Variants in SLC5A4 observed in about 807,000 individuals in gnomAD.
The protein encoded by SLC5A4 is solute carrier family 5 member 4.
A neutral mutation model predicts 70.3 loss-of-function variants in SLC5A4; 55 were observed. The observed-to-expected ratio is 0.78, with a 90% CI of 0.63 to 0.98. SLC5A4 has a LOEUF of 0.98. SLC5A4 is among the 50% of genes least tolerant of loss of function. The pLI, the probability that SLC5A4 is intolerant of heterozygous loss-of-function variation, is 0.00. For missense variants in SLC5A4, 735 were observed against 839.2 expected (o/e 0.88, Z 1.53); for synonymous variants, 268 against 305.7 (o/e 0.88, Z 1.29).
chr22:32,303,584 T>G, the SLC5A4 span, among the ~76,000 whole-genome samples: 1 of 138,082 alleles, frequency 7.2e-6, no homozygotes, highest in Non-Finnish European at 1.6e-5. Flanking sequence ...GATTGGCTTC[T>G]TTCACTCAGT....
intron 12 of SLC5A4, 114 bp downstream of exon 12, chr22:32,225,541 G>A: frequency 2.9e-6 from 2 of 678,704 alleles, no homozygotes; most frequent in Non-Finnish European, 5.1e-6. Flanking sequence ...CTAAAATTAA[G>A]ATGGGCCATG....
At chr22:32,333,199 C>CCCCA in the SLC5A4 span, among the ~76,000 whole-genome samples, 3 of 147,710 alleles carry the variant, frequency 2.0e-5, 1 homozygote, top group South Asian at 6.7e-4. Flanking sequence ...CACTGGCACC[C>CCCCA]CCCCCCCAGA....
chr22:32,244,832 C>CA (rs1358181028), intron 5 of SLC5A4, among the ~76,000 whole-genome samples: 1 of 152,102 alleles, frequency 6.6e-6, no homozygotes, highest in East Asian at 1.9e-4. Flanking sequence ...GCTCAGCCAT[C>CA]AATGACATTT....
At chr22:32,265,748 G>C in the SLC5A4 span, among the ~76,000 whole-genome samples, 3 of 152,046 alleles carry the variant, frequency 2.0e-5, no homozygotes, top group African/African-American at 7.2e-5. Context: ...GGAGAGGAAC[G>C]AGAAACGCTT....
intron 10 of SLC5A4, among the ~76,000 whole-genome samples, chr22:32,230,535 C>T (rs1925686807): frequency 6.6e-6 from 1 of 152,058 alleles, no homozygotes; most frequent in African/African-American, 2.4e-5. Context: ...AGATTGAGAT[C>T]TATTATTTGG....
chr22:32,310,945 C>T, the SLC5A4 span, among the ~76,000 whole-genome samples: 486 of 152,328 alleles, frequency 3.2e-3, 3 homozygotes, highest in African/African-American at 0.011. Flanking sequence ...CTCTGGGTCC[C>T]AGCCACCTGG....
the SLC5A4 span, among the ~76,000 whole-genome samples, chr22:32,327,844 G>A: frequency 1.3e-5 from 2 of 152,170 alleles, no homozygotes; most frequent in Non-Finnish European, 2.9e-5. Context: ...CGGCCTCCCT[G>A]CACACCCTCT....
the SLC5A4 span, among the ~76,000 whole-genome samples, chr22:32,328,999 C>T: frequency 2.6e-5 from 4 of 152,258 alleles, no homozygotes; most frequent in South Asian, 2.1e-4. Context: ...CCTCCTGCTT[C>T]CTCTTCCTAC....
chr22:32,311,812 C>CG, the SLC5A4 span, among the ~76,000 whole-genome samples: 1 of 152,064 alleles, frequency 6.6e-6, no homozygotes, highest in Non-Finnish European at 1.5e-5. Context: ...GAACTCAGGG[C>CG]GACAGCCTGT....
At chr22:32,323,293 G>A in the SLC5A4 span, among the ~76,000 whole-genome samples, 1 of 152,158 alleles carries the variant, frequency 6.6e-6, no homozygotes, top group Non-Finnish European at 1.5e-5. Flanking sequence ...CCCTTTTAAA[G>A]ACTCCACTTT....
the SLC5A4 span, among the ~76,000 whole-genome samples, chr22:32,322,363 G>A: frequency 5.9e-5 from 9 of 152,182 alleles, no homozygotes; most frequent in African/African-American, 2.2e-4. Context: ...GCTGAGGTGG[G>A]TGGATCACGA....
At chr22:32,255,170 TA>T in intron 1 of SLC5A4, 24 bp downstream of exon 1, 1 of 1,611,718 alleles carries the variant, frequency 6.2e-7, no homozygotes, top group South Asian at 1.1e-5. Flanking sequence ...GTGCCCACCC[TA>T]AAAGCCACTG....
the SLC5A4 span, among the ~76,000 whole-genome samples, chr22:32,298,893 T>G: frequency 9.8e-6 from 1 of 102,152 alleles, no homozygotes; most frequent in African/African-American, 3.8e-5. Flanking sequence ...GTAAAGTATT[T>G]TATTTCTCCT....
At chr22:32,305,437 T>TTTGAAGC in the SLC5A4 span, among the ~76,000 whole-genome samples, 1 of 149,074 alleles carries the variant, frequency 6.7e-6, no homozygotes, top group East Asian at 2.0e-4. Flanking sequence ...GCAGAAATAT[T>TTTGAAGC]TTGAAGCATC....
chr22:32,265,667 C>T, the SLC5A4 span, among the ~76,000 whole-genome samples: 1 of 151,984 alleles, frequency 6.6e-6, no homozygotes, highest in Non-Finnish European at 1.5e-5. Context: ...TGGTGAAACC[C>T]CCTCTCTACT....
intron 13 of SLC5A4, among the ~76,000 whole-genome samples, chr22:32,223,276 T>C (rs182719996): frequency 6.6e-6 from 1 of 152,314 alleles, no homozygotes; most frequent in Non-Finnish European, 1.5e-5. Flanking sequence ...TTTTCCTACT[T>C]GAACAAGTAT....
At chr22:32,241,365 G>A (rs1453491966) in intron 5 of SLC5A4, among the ~76,000 whole-genome samples, 6 of 152,212 alleles carry the variant, frequency 3.9e-5, no homozygotes, top group African/African-American at 4.8e-5. Context: ...GACCTACACC[G>A]AGGAGAAGCT....
At chr22:32,220,507 T>C (rs1925011764) in intron 14 of SLC5A4, among the ~76,000 whole-genome samples, 1 of 152,180 alleles carries the variant, frequency 6.6e-6, no homozygotes, top group Non-Finnish European at 1.5e-5. Context: ...GGTAGAAATA[T>C]TCTAGGGAGC....
chr22:32,264,429 G>A, the SLC5A4 span, among the ~76,000 whole-genome samples: 2 of 152,048 alleles, frequency 1.3e-5, no homozygotes, highest in Non-Finnish European at 2.9e-5. Flanking sequence ...GAAAAAGTTC[G>A]TTGGGCATGG....
Sources: allele counts gnomAD v4.1 joint callset (sites outside exome capture counted in the v4.1 genomes callset), GRCh38; gene constraint gnomAD v4.1.1; transcripts MANE v1.5; gene names NCBI Gene and HGNC (gene_info 2026-07-23, HGNC 2026-07-21).